The following TSPAN11 variants were observed in gnomAD, a reference collection of about 807,000 sequenced individuals.
TSPAN11 encodes the protein tetraspanin 11, also known as tetraspanin-11.
In TSPAN11, 29 loss-of-function variants were observed where a neutral mutation model predicts 32.9. That is an observed-to-expected ratio of 0.88 (90% CI 0.66 to 1.20). The LOEUF (loss-of-function observed/expected upper bound fraction) is 1.20. Among genes scored for constraint, TSPAN11 ranks in the 50% most tolerant of loss-of-function variants. TSPAN11 has a pLI of 0.00. For synonymous variants in TSPAN11, 140 were observed against 141.3 expected (o/e 0.99, Z 0.07); for missense variants, 283 against 329.1 (o/e 0.86, Z 1.08).
At chr12:30,930,484 G>A (rs1937898304) in intron 1 of TSPAN11, among the ~76,000 whole-genome samples, 1 of 152,190 alleles carries the variant, frequency 6.6e-6, no homozygotes, top group Non-Finnish European at 1.5e-5. Context: ...GGGCCAGATG[G>A]TTCAGGCACA....
the TSPAN11 span, among the ~76,000 whole-genome samples, chr12:31,014,184 A>G: frequency 6.6e-6 from 1 of 152,226 alleles, no homozygotes; most frequent in Non-Finnish European, 1.5e-5. Context: ...TTCTGGCATA[A>G]GCATCAAAAT....
chr12:30,937,179 G>T (rs1390693823), intron 1 of TSPAN11, among the ~76,000 whole-genome samples: 1 of 152,200 alleles, frequency 6.6e-6, no homozygotes. Context: ...GGTTAAGTGG[G>T]CGGTGGAGGA....
chr12:30,940,046 CTGGCT>C (rs1938129125), intron 1 of TSPAN11, among the ~76,000 whole-genome samples: 1 of 152,230 alleles, frequency 6.6e-6, no homozygotes, highest in Non-Finnish European at 1.5e-5. Flanking sequence ...AATCCCTGGG[CTGGCT>C]TGTGAAAGAC....
chr12:30,964,319 C>A (rs1235974902), intron 3 of TSPAN11, among the ~76,000 whole-genome samples: 1 of 151,572 alleles, frequency 6.6e-6, no homozygotes, highest in Non-Finnish European at 1.5e-5. Context: ...TCCTATTCTT[C>A]CTGGTCCTCT....
At chr12:31,009,085 C>T in the TSPAN11 span, among the ~76,000 whole-genome samples, 1 of 152,214 alleles carries the variant, frequency 6.6e-6, no homozygotes, top group Non-Finnish European at 1.5e-5. Context: ...ATAAAACCTC[C>T]CTGCAAATCA....
chr12:30,959,947 G>A (rs1938578266), intron 2 of TSPAN11, among the ~76,000 whole-genome samples: 1 of 149,838 alleles, frequency 6.7e-6, no homozygotes, highest in South Asian at 2.1e-4. Flanking sequence ...AGCCGGGGGT[G>A]CCTTGGGGGA....
chr12:31,001,124 C>A (rs1350473384), downstream of TSPAN11, among the ~76,000 whole-genome samples: 1 of 152,238 alleles, frequency 6.6e-6, no homozygotes, highest in Admixed American at 6.5e-5. Flanking sequence ...CTGAGCCCAT[C>A]ACATTTGGGC....
chr12:30,997,767 A>G (rs1939436681), downstream of TSPAN11, among the ~76,000 whole-genome samples: 1 of 152,154 alleles, frequency 6.6e-6, no homozygotes, highest in African/African-American at 2.4e-5. Context: ...ATCCCCAGAC[A>G]GAGGGCTGGG....
rs992560578 is a variant in TSPAN11, at chr12:30,970,380, T to C, written c.276+6363T>C. 9.9e-5 allele frequency among the ~76,000 whole-genome samples: 15 copies of C among 152,236 alleles called. No homozygotes were observed. In the South Asian group the frequency reaches 1.7e-3, roughly 17 times the overall value. ...TTTGGCTTGGAGTTCTGAAACTGTG[T>C]TCTCCTTCCATGACCCTCACCGCCC... On this transcript the variant is annotated intron_variant, in intron 3 of 7. Coordinates refer to ENST00000546076, the MANE Select transcript of TSPAN11 (RefSeq NM_001370302.1).
At chr12:30,969,872 G>A (rs59789380) in intron 3 of TSPAN11, among the ~76,000 whole-genome samples, 2,716 of 152,236 alleles carry the variant, frequency 0.018, 82 homozygotes, top group African/African-American at 0.062. Flanking sequence ...TGAGGAACAT[G>A]AGGCGCCTGT....
chr12:30,961,571 C>A (rs764491084), intron 2 of TSPAN11, among the ~76,000 whole-genome samples: 3 of 151,864 alleles, frequency 2.0e-5, no homozygotes, highest in Non-Finnish European at 4.4e-5. Flanking sequence ...TGACCATGTC[C>A]CAAGCAGGTC....
intron 1 of TSPAN11, among the ~76,000 whole-genome samples, chr12:30,940,562 C>T (rs763203817): frequency 1.3e-5 from 2 of 152,136 alleles, no homozygotes; most frequent in Non-Finnish European, 2.9e-5. Context: ...AGCAGCATAA[C>T]ATGGTGGTAA....
At chr12:31,004,590 T>G in the TSPAN11 span, among the ~76,000 whole-genome samples, 1 of 152,090 alleles carries the variant, frequency 6.6e-6, no homozygotes. Flanking sequence ...TAGCAAAACT[T>G]AAGGATGGCT....
intron 2 of TSPAN11, among the ~76,000 whole-genome samples, chr12:30,962,727 A>G (rs2352616): frequency 0.79 from 120,027 of 151,996 alleles, 47,479 homozygotes; most frequent in Admixed American, 0.82. Context: ...TTGAGGAAGC[A>G]TCCCACACCC....
chr12:30,992,267 A>G lies in TSPAN11; in HGVS notation c.*352A>G, dbSNP rs1176431604. 2 of 337,038 alleles carry G rather than the reference A, an allele frequency of 5.9e-6. No homozygotes were observed. The highest frequency in any genetic ancestry group is 5.5e-5 in the East Asian group (1 of 18,192). The allele number at this position is 337,038 out of a possible 1,614,324, so 20.9% of individuals were successfully genotyped here. A position where few individuals can be genotyped will look rare whatever the true frequency, so the allele number is the denominator to read the frequency against. On this transcript the variant is annotated 3_prime_UTR_variant, in exon 8 of 8. Coordinates refer to ENST00000546076, the MANE Select transcript of TSPAN11 (RefSeq NM_001370302.1). ...CCTCCCAGCTCCTGAACCTGGAACA[A>G]TCGGCAGAAAACCCAGGAACCCCGG...
chr12:31,007,924 G>A, the TSPAN11 span, among the ~76,000 whole-genome samples: 1 of 152,120 alleles, frequency 6.6e-6, no homozygotes, highest in Non-Finnish European at 1.5e-5. Context: ...GGCCAGGGAG[G>A]AGGGAGAACT....
chr12:30,976,614 C>G (rs1938977690), intron 3 of TSPAN11, among the ~76,000 whole-genome samples: 1 of 152,188 alleles, frequency 6.6e-6, no homozygotes, highest in African/African-American at 2.4e-5. Context: ...CCCCTTCAAC[C>G]ACACTCCTCC....
At chr12:31,012,076 T>C in the TSPAN11 span, among the ~76,000 whole-genome samples, 1 of 152,224 alleles carries the variant, frequency 6.6e-6, no homozygotes, top group Non-Finnish European at 1.5e-5. Context: ...AGCCTCTTTA[T>C]AAAAAGCCCG....
At chr12:30,951,767 G>C (rs1457320628) in intron 1 of TSPAN11, among the ~76,000 whole-genome samples, 1 of 152,198 alleles carries the variant, frequency 6.6e-6, no homozygotes, top group Non-Finnish European at 1.5e-5. Flanking sequence ...CTGCAGGCTG[G>C]TACTGACACT....
Sources: gnomAD v4.1 joint callset for allele counts (sites outside exome capture counted in the v4.1 genomes callset) on GRCh38, gnomAD v4.1.1 for gene constraint, MANE v1.5 for transcripts, NCBI Gene and HGNC (gene_info 2026-07-23, HGNC 2026-07-21) for gene names.